CREM: variants seen among roughly 807,000 people sequenced by gnomAD.
CREM encodes cAMP responsive element modulator.
In CREM, 13 loss-of-function variants were observed where a neutral mutation model predicts 37.3. That is an observed-to-expected ratio of 0.35 (90% CI 0.23 to 0.55). The LOEUF is 0.55. CREM is among the 20% of genes least tolerant of loss of function. The pLI is 0.88. For synonymous variants in CREM, 124 were observed against 120.2 expected (o/e 1.03, Z -0.21); for missense variants, 296 against 362.3 (o/e 0.82, Z 1.49).
intron 6 of CREM, among the ~76,000 whole-genome samples, chr10:35,205,624 G>A (rs951206650): frequency 6.6e-6 from 1 of 152,150 alleles, no homozygotes; most frequent in South Asian, 2.1e-4. Flanking sequence ...TTTTGCAGTG[G>A]TGTGCTACAG....
intron 3 of CREM, chr10:35,154,111 C>T (rs781774804): frequency 7.0e-5 from 28 of 398,352 alleles, no homozygotes; most frequent in African/African-American, 4.7e-4. Flanking sequence ...GGCATGCCAT[C>T]GGGGATTGAA....
chr10:35,130,448 G>T (rs1179811665), intron 1 of CREM, among the ~76,000 whole-genome samples: 1 of 152,084 alleles, frequency 6.6e-6, no homozygotes, highest in Non-Finnish European at 1.5e-5. Context: ...GAAAACCTAA[G>T]GATATCATTA....
chr10:35,197,444 A>T (rs1027031018), intron 6 of CREM, among the ~76,000 whole-genome samples: 4 of 149,120 alleles, frequency 2.7e-5, no homozygotes, highest in Non-Finnish European at 5.9e-5. Flanking sequence ...TTATTTATTT[A>T]TTTATTTATT....
intron 6 of CREM, among the ~76,000 whole-genome samples, chr10:35,200,134 C>T (rs529840729): frequency 9.9e-5 from 15 of 152,052 alleles, no homozygotes; most frequent in African/African-American, 2.9e-4. Context: ...GCGATCCACC[C>T]GCCTCAGCCT....
intron 2 of CREM, among the ~76,000 whole-genome samples, chr10:35,143,418 A>G (rs2091701112): frequency 6.6e-6 from 1 of 152,110 alleles, no homozygotes; most frequent in Non-Finnish European, 1.5e-5. Flanking sequence ...GGAGAGGGTA[A>G]GATGGGAGGA....
intron 6 of CREM, among the ~76,000 whole-genome samples, chr10:35,189,761 C>T (rs2094831509): frequency 6.6e-6 from 1 of 152,146 alleles, no homozygotes; most frequent in African/African-American, 2.4e-5. Flanking sequence ...GGCAGTCCAC[C>T]CACCTTGGCC....
At chr10:35,186,785 A>G (rs191282475) in intron 5 of CREM, among the ~76,000 whole-genome samples, 18 of 128,514 alleles carry the variant, frequency 1.4e-4, no homozygotes, top group Admixed American at 7.2e-4. Flanking sequence ...CAAATTATAT[A>G]TAACATAATT....
At chr10:35,196,789 C>T (rs2095190566) in intron 6 of CREM, among the ~76,000 whole-genome samples, 1 of 151,786 alleles carries the variant, frequency 6.6e-6, no homozygotes, top group Non-Finnish European at 1.5e-5. Flanking sequence ...GCCTTTCATT[C>T]CTATTACCCC....
At chr10:35,208,349 A>G (rs2095585261) in intron 7 of CREM, among the ~76,000 whole-genome samples, 1 of 152,194 alleles carries the variant, frequency 6.6e-6, no homozygotes, top group South Asian at 2.1e-4. Flanking sequence ...TAAGCAACAT[A>G]TTATAAAATG....
rs777562623 is a variant in CREM at position 35,188,262 on chromosome 10, C to T, written c.472C>T (p.Leu158=). Residue 158 remains leucine, a synonymous_variant, in exon 6 of 8, where the codon CTG becomes TTG. Coordinates refer to ENST00000685392, the MANE Select transcript of CREM (RefSeq NM_183011.2). ...CCCAGGATCTGATGGTGTTCAGGGA[C>T]TGCAGGCATTAACAATGACAAATTC... ...SNPGSDGVQG[L]QALTMTNSGA... The T allele has an allele frequency of 6.2e-7, 1 of 1,614,162 alleles. No individual in the cohort carries two copies. Among genetic ancestry groups the T allele is most frequent in the Admixed American group, 1.7e-5 (1 of 60,012 alleles).
At chr10:35,180,157 GAA>G (rs2094292859) in intron 5 of CREM, among the ~76,000 whole-genome samples, 1 of 152,066 alleles carries the variant, frequency 6.6e-6, no homozygotes, top group Non-Finnish European at 1.5e-5. Flanking sequence ...CAAAGTAATT[GAA>G]CAAATATATT....
rs543961468 is a variant in CREM, at chr10:35,158,798, G to GTTTTTTTTTTTTTTTTTTTTTT, written c.168+10317_168+10318insTTTTTTTTTTTTTTTTTTTTTT. ...CTTTTTGGAGAGTAGCAAATATAGT[G>GTTTTTTTTTTTTTTTTTTTTTT]TTTTTTTTTTGTTGTTTTGTTTGTT... On this transcript the variant is annotated intron_variant, in intron 3 of 7. Coordinates refer to ENST00000685392, the MANE Select transcript of CREM (RefSeq NM_183011.2). 3.0e-5 allele frequency among the ~76,000 whole-genome samples: 3 copies of GTTTTTTTTTTTTTTTTTTTTTT among 100,840 alleles called. 1 individual carries two copies. Among genetic ancestry groups the GTTTTTTTTTTTTTTTTTTTTTT allele is most frequent in the Admixed American group, 1.9e-4 (2 of 10,298 alleles). The allele number at this position is 100,840 out of a possible 152,430, so 66.2% of individuals were successfully genotyped here.
At chr10:35,205,958 A>T (rs1474921035) in intron 6 of CREM, among the ~76,000 whole-genome samples, 1 of 146,418 alleles carries the variant, frequency 6.8e-6, no homozygotes, top group East Asian at 2.0e-4. Flanking sequence ...GACTCTGTCT[A>T]AAAAAAAAAG....
At chr10:35,176,096 T>C in intron 3 of CREM, 1 of 1,435,064 alleles carries the variant, frequency 7.0e-7, no homozygotes, top group Non-Finnish European at 9.3e-7. Flanking sequence ...ATGAAGTGCT[T>C]ATACGCAAAT....
intron 3 of CREM, among the ~76,000 whole-genome samples, chr10:35,158,807 T>TG (rs1460339687): frequency 2.1e-5 from 2 of 96,914 alleles, no homozygotes; most frequent in African/African-American, 6.5e-5. Flanking sequence ...TGTTTTTTTT[T>TG]TGTTGTTTTG....
At chr10:35,152,144 C>T (rs2092639913) in intron 3 of CREM, 1 of 152,216 alleles carries the variant, frequency 6.6e-6, no homozygotes, top group Non-Finnish European at 1.5e-5. Flanking sequence ...CTGACACTCA[C>T]CTTCCTTGTT....
intron 3 of CREM, among the ~76,000 whole-genome samples, chr10:35,162,093 A>C (rs1272123737): frequency 6.6e-6 from 1 of 152,258 alleles, no homozygotes; most frequent in Non-Finnish European, 1.5e-5. Flanking sequence ...CTATTCAACC[A>C]TAAAAAAGAA....
At chr10:35,144,197 T>A (rs1178721498) in intron 2 of CREM, among the ~76,000 whole-genome samples, 5 of 152,138 alleles carry the variant, frequency 3.3e-5, no homozygotes, top group Non-Finnish European at 7.4e-5. Context: ...TGCTAAATTA[T>A]GGTAAGGAGG....
chr10:35,181,013 A>G (rs570731081), intron 5 of CREM, among the ~76,000 whole-genome samples: 2 of 152,382 alleles, frequency 1.3e-5, no homozygotes, highest in East Asian at 1.9e-4. Context: ...AGATGCTGTC[A>G]TCGTAACATT....
Sources: allele counts gnomAD v4.1 joint callset (sites outside exome capture counted in the v4.1 genomes callset), GRCh38; gene constraint gnomAD v4.1.1; transcripts MANE v1.5; gene names NCBI Gene and HGNC (gene_info 2026-07-23, HGNC 2026-07-21).